Variants in PPARGC1B observed in about 807,000 individuals in gnomAD.
PPARGC1B encodes PPARG coactivator 1 beta, also known as peroxisome proliferator-activated receptor gamma coactivator 1-beta.
A neutral mutation model predicts 101.6 loss-of-function variants in PPARGC1B; 34 were observed. The ratio of observed to expected loss-of-function variants is 0.33; its 90% CI spans 0.25 to 0.45. The LOEUF is 0.45. PPARGC1B is among the 20% of genes least tolerant of loss of function. PPARGC1B has a pLI of 1.00. For synonymous variants in PPARGC1B, 548 were observed against 539.3 expected (o/e 1.02, Z -0.22); for missense variants, 1,234 against 1,317.6 (o/e 0.94, Z 0.98).
At chr5:149,788,316 C>T (rs1756885345) in intron 1 of PPARGC1B, among the ~76,000 whole-genome samples, 1 of 152,164 alleles carries the variant, frequency 6.6e-6, no homozygotes, top group Admixed American at 6.5e-5. Context: ...CCAAAAGACA[C>T]ATGAAAAAAT....
chr5:149,814,366 C>T (rs1322970114), intron 1 of PPARGC1B, among the ~76,000 whole-genome samples: 1 of 152,136 alleles, frequency 6.6e-6, no homozygotes, highest in Non-Finnish European at 1.5e-5. Context: ...CTGCGTGTTT[C>T]CCCCCTATGT....
At chr5:149,753,541 T>C (rs74822986) in intron 1 of PPARGC1B, among the ~76,000 whole-genome samples, 1 of 151,974 alleles carries the variant, frequency 6.6e-6, no homozygotes, top group South Asian at 2.1e-4. Context: ...GTTAAAAAAA[T>C]TTTTTTTAAC....
chr5:149,817,863 G>T (rs186566542), intron 1 of PPARGC1B: 1 of 456,028 alleles, frequency 2.2e-6, no homozygotes. Flanking sequence ...AGTTTCACTC[G>T]TAGGTATTTA....
intron 6 of PPARGC1B, 129 bp downstream of exon 6, chr5:149,834,839 G>A (rs1285083070): frequency 1.4e-5 from 11 of 791,194 alleles, no homozygotes; most frequent in Non-Finnish European, 2.3e-5. Flanking sequence ...TGCCCTGATT[G>A]TCATCTGGGA....
chr5:149,818,514 T>C (rs1277560029), intron 1 of PPARGC1B, among the ~76,000 whole-genome samples: 1 of 152,184 alleles, frequency 6.6e-6, no homozygotes, highest in Non-Finnish European at 1.5e-5. Context: ...TAGGCAGGAT[T>C]CTTGCAAAAT....
intron 2 of PPARGC1B, among the ~76,000 whole-genome samples, chr5:149,821,937 C>T (rs1373286254): frequency 6.6e-6 from 1 of 152,084 alleles, no homozygotes; most frequent in Non-Finnish European, 1.5e-5. Context: ...GAGTAACTCG[C>T]CCAAGGTCAA....
At chr5:149,742,537 T>C (rs1754948561) in intron 1 of PPARGC1B, among the ~76,000 whole-genome samples, 1 of 152,224 alleles carries the variant, frequency 6.6e-6, no homozygotes, top group South Asian at 2.1e-4. Context: ...AGTTTGGACT[T>C]GGCAGGCAGT....
At position 149,799,693 on chromosome 5, in the gene PPARGC1B, G is replaced by GTTT. The variant is rs11371560; in HGVS notation, c.79-20721_79-20719dup. Among the ~76,000 whole-genome samples, 378 of 76,410 alleles carry GTTT rather than the reference G, an allele frequency of 4.9e-3. 17 individuals are homozygous for GTTT. The East Asian group carries it at 0.05, about 10-fold the overall frequency. 50.1% of individuals were successfully genotyped at this position (76,410 alleles called of 152,430 possible). On this transcript the variant is annotated intron_variant, in intron 1 of 11. Coordinates refer to ENST00000309241, the MANE Select transcript of PPARGC1B (RefSeq NM_133263.4). Reference sequence around the variant, plus strand: ...TTTGTTTGTTTGTTTGCTTGTTGTTGTTTTTTTTTTTTTTTTTTTTTGAGA... The same window carrying GTTT: ...TTTGTTTGTTTGTTTGCTTGTTGTTGTTTTTTTTTTTTTTTTTTTTTTTTGAGA...
At chr5:149,762,405 C>T (rs142201656) in intron 1 of PPARGC1B, among the ~76,000 whole-genome samples, 1,523 of 152,278 alleles carry the variant, frequency 0.01, 24 homozygotes, top group African/African-American at 0.035. Flanking sequence ...ACCTTGGACT[C>T]CCAAAGTGCT....
intron 1 of PPARGC1B, among the ~76,000 whole-genome samples, chr5:149,757,378 T>C (rs767103931): frequency 6.6e-6 from 1 of 151,786 alleles, no homozygotes; most frequent in Non-Finnish European, 1.5e-5. Context: ...GGTGATATGC[T>C]AGTTATAAAT....
Position 149,849,226 on chromosome 5 carries a change from T to C in PPARGC1B, c.*1668T>C, listed in dbSNP as rs1158189501. 6.6e-6 allele frequency: 1 copy of C among 152,206 alleles called. No homozygotes were observed. Among genetic ancestry groups the C allele is most frequent in the African/African-American group, 2.4e-5 (1 of 41,444 alleles). 9.4% of individuals were successfully genotyped at this position (152,206 alleles called of 1,614,324 possible). ...ATTGACGTTTTTAAAGATTATCAAA[T>C]ACCTCAGTAGGTAAAATGAGCCCAT... On this transcript the variant is annotated 3_prime_UTR_variant, in exon 12 of 12. Coordinates refer to ENST00000309241, the MANE Select transcript of PPARGC1B (RefSeq NM_133263.4).
intron 1 of PPARGC1B, among the ~76,000 whole-genome samples, chr5:149,795,416 T>C (rs1581062105): frequency 6.6e-6 from 1 of 152,162 alleles, no homozygotes; most frequent in Non-Finnish European, 1.5e-5. Flanking sequence ...GCTGTCAAGG[T>C]CTTTTTCCAC....
chr5:149,730,769 G>A lies in PPARGC1B; in HGVS notation c.78+349G>A, dbSNP rs1023137079. 4.6e-5 allele frequency among the ~76,000 whole-genome samples: 7 copies of A among 152,202 alleles called. No homozygotes were observed. Among genetic ancestry groups the A allele is most frequent in the African/African-American group, 1.7e-4 (7 of 41,464 alleles). On this transcript the variant is annotated intron_variant, in intron 1 of 11. Transcript: ENST00000309241. This position sits in a 1 kb window ranked among gnomAD's most constrained non-coding sequence, Gnocchi z 4.0. ...GGGTACCCTCAGGCTGGCGCTGGGT[G>A]CTGGAGGCGCGCCGTCAGCGCCCGG...
chr5:149,803,842 G>T (rs1340892661), intron 1 of PPARGC1B, among the ~76,000 whole-genome samples: 1 of 152,228 alleles, frequency 6.6e-6, no homozygotes, highest in Non-Finnish European at 1.5e-5. Context: ...CATAAGGCAG[G>T]CTCAGCTGTG....
chr5:149,814,080 TC>T (rs1300222560), intron 1 of PPARGC1B, among the ~76,000 whole-genome samples: 1 of 152,204 alleles, frequency 6.6e-6, no homozygotes, highest in African/African-American at 2.4e-5. Context: ...GGATGTCTGA[TC>T]CATGCCATGT....
At chr5:149,751,266 CTTTT>C (rs1226917220) in intron 1 of PPARGC1B, among the ~76,000 whole-genome samples, 1 of 152,170 alleles carries the variant, frequency 6.6e-6, no homozygotes, top group Non-Finnish European at 1.5e-5. Flanking sequence ...GGGATTATCT[CTTTT>C]TATTTATTTA....
At position 149,773,459 on chromosome 5, in the gene PPARGC1B, G is replaced by A. The variant is rs1424172886; in HGVS notation, c.78+43039G>A. Among the ~76,000 whole-genome samples, 4 of 152,244 alleles carry A rather than the reference G, an allele frequency of 2.6e-5. No individual in the cohort carries two copies. In the South Asian group the frequency reaches 8.3e-4, roughly 31 times the overall value. ...CGGCTCCTGCTCTGCCCCGTGGGCA[G>A]GAGTGGGGCAAGGCAGCGTCTACTC... On this transcript the variant is annotated intron_variant, in intron 1 of 11. Coordinates refer to ENST00000309241, the MANE Select transcript of PPARGC1B (RefSeq NM_133263.4).
At chr5:149,732,045 GGTGT>G (rs3042304) in intron 1 of PPARGC1B, among the ~76,000 whole-genome samples, 28,382 of 148,946 alleles carry the variant, frequency 0.19, 2,675 homozygotes, top group East Asian at 0.3. Context: ...TGCGCGCGCG[GGTGT>G]GTGTGTGTGT....
chr5:149,799,753 A>G (rs1056692005), intron 1 of PPARGC1B, among the ~76,000 whole-genome samples: 15 of 123,966 alleles, frequency 1.2e-4, no homozygotes, highest in African/African-American at 4.6e-4. Context: ...GCTGGAGTGC[A>G]GTGGCACAAT....
Sources: gnomAD v4.1 joint callset for allele counts (sites outside exome capture counted in the v4.1 genomes callset) on GRCh38, gnomAD v4.1.1 for gene constraint, Gnocchi (gnomAD v3.1) non-coding constraint, MANE v1.5 for transcripts, NCBI Gene and HGNC (gene_info 2026-07-23, HGNC 2026-07-21) for gene names.